Variants in AP3S1 observed in about 807,000 individuals in gnomAD.
The protein encoded by AP3S1 is AP-3 complex subunit sigma-1.
Under a neutral mutation model 21.3 loss-of-function variants are expected in AP3S1, and 12 were observed. The ratio of observed to expected loss-of-function variants is 0.56; its 90% CI spans 0.36 to 0.91. The LOEUF is 0.91. AP3S1 is among the 40% of genes least tolerant of loss of function. The probability of loss-of-function intolerance (pLI) is 0.01; values close to 1 mark genes in which losing one functional copy is unlikely to be tolerated. For synonymous variants in AP3S1, 48 were observed against 78.4 expected, an observed-to-expected ratio of 0.61 and a Z score of 2.05; for missense variants, 116 against 225.0, an observed-to-expected ratio of 0.52 and a Z score of 3.10.
intron 1 of AP3S1, among the ~76,000 whole-genome samples, chr5:115,860,862 C>T (rs1168585642): frequency 6.6e-6 from 1 of 152,146 alleles, no homozygotes; most frequent in East Asian, 1.9e-4. Flanking sequence ...ACACAGCTTG[C>T]ACTTTTAACT....
chr5:115,852,798 ATTAC>A (rs948650698), intron 1 of AP3S1, among the ~76,000 whole-genome samples: 1 of 152,062 alleles, frequency 6.6e-6, no homozygotes, highest in Non-Finnish European at 1.5e-5. Context: ...TTAATATTTC[ATTAC>A]TTTTTATAGC....
chr5:115,892,314 T>A (rs1037089233), intron 3 of AP3S1, among the ~76,000 whole-genome samples: 4 of 152,156 alleles, frequency 2.6e-5, no homozygotes, highest in African/African-American at 9.7e-5. Flanking sequence ...GGGTATATAT[T>A]CAAAAGAAAA....
At chr5:115,893,331 G>A (rs1750479132) in intron 3 of AP3S1, among the ~76,000 whole-genome samples, 1 of 152,258 alleles carries the variant, frequency 6.6e-6, no homozygotes, top group South Asian at 2.1e-4. Context: ...AGTGGATGTA[G>A]CATATAGACC....
intron 3 of AP3S1, among the ~76,000 whole-genome samples, chr5:115,882,861 G>A (rs1193683358): frequency 1.3e-5 from 2 of 152,192 alleles, no homozygotes; most frequent in African/African-American, 4.8e-5. Context: ...ATAAGCCCCT[G>A]ACTGGGGCTG....
At chr5:115,861,665 C>G (rs962766465) in intron 1 of AP3S1, among the ~76,000 whole-genome samples, 2 of 151,938 alleles carry the variant, frequency 1.3e-5, no homozygotes, top group East Asian at 3.9e-4. Context: ...AGCAATCCTC[C>G]TACCTCAGCC....
intron 3 of AP3S1, among the ~76,000 whole-genome samples, chr5:115,872,505 C>T (rs779151118): frequency 2.8e-4 from 43 of 151,938 alleles, no homozygotes; most frequent in Non-Finnish European, 5.1e-4. Flanking sequence ...AGGAAATGAA[C>T]GTAAACATGT....
At chr5:115,876,373 C>CTT (rs1214070256) in intron 3 of AP3S1, among the ~76,000 whole-genome samples, 30 of 152,166 alleles carry the variant, frequency 2.0e-4, no homozygotes, top group Non-Finnish European at 3.1e-4. Context: ...TATTTTCTTC[C>CTT]CTTCAATGTA....
At chr5:115,870,818 T>TG (rs1748169217) in intron 3 of AP3S1, among the ~76,000 whole-genome samples, 3 of 152,336 alleles carry the variant, frequency 2.0e-5, no homozygotes, top group South Asian at 4.1e-4. Flanking sequence ...TTGCTCTACT[T>TG]GCAAACTAAG....
chr5:115,911,335 A>G (rs906387945), intron 5 of AP3S1, among the ~76,000 whole-genome samples: 4 of 147,712 alleles, frequency 2.7e-5, no homozygotes, highest in Non-Finnish European at 4.5e-5. Flanking sequence ...ACACAGATAA[A>G]CACACACACA....
chr5:115,889,957 A>G (rs920089593), intron 3 of AP3S1, among the ~76,000 whole-genome samples: 3 of 152,222 alleles, frequency 2.0e-5, no homozygotes, highest in African/African-American at 4.8e-5. Context: ...ATATACCACC[A>G]CACACCCTTG....
chr5:115,901,137 TCTAA>T (rs1341299281), intron 4 of AP3S1, among the ~76,000 whole-genome samples: 17 of 152,194 alleles, frequency 1.1e-4, no homozygotes, highest in Non-Finnish European at 1.8e-4. Flanking sequence ...CTTTCCTTCC[TCTAA>T]CTTTCAATTC....
chr5:115,844,839 A>C (rs1458695346), intron 1 of AP3S1, among the ~76,000 whole-genome samples: 1 of 152,136 alleles, frequency 6.6e-6, no homozygotes, highest in Non-Finnish European at 1.5e-5. Flanking sequence ...CACAGCCTAT[A>C]ATTCCTCGTG....
chr5:115,847,366 C>G (rs948642297), intron 1 of AP3S1, among the ~76,000 whole-genome samples: 13 of 151,952 alleles, frequency 8.6e-5, no homozygotes, highest in African/African-American at 3.1e-4. Context: ...GCCTGTAATC[C>G]CAGCACGTTG....
At chr5:115,913,305 G>A in intron 5 of AP3S1, 57 bp from the exon 6 acceptor site, 1 of 1,106,398 alleles carries the variant, frequency 9.0e-7, no homozygotes, top group Non-Finnish European at 1.1e-6. Context: ...AGTGTTTTAT[G>A]ATGAGCTACA....
At chr5:115,898,743 G>C (rs1275079444) in intron 4 of AP3S1, 1 of 152,076 alleles carries the variant, frequency 6.6e-6, no homozygotes, top group African/African-American at 2.4e-5. Context: ...GCTGTGAGCA[G>C]ACACACATCA....
intron 3 of AP3S1, among the ~76,000 whole-genome samples, chr5:115,879,346 G>A (rs1580687280): frequency 1.3e-5 from 2 of 152,114 alleles, no homozygotes; most frequent in East Asian, 3.9e-4. Flanking sequence ...GTCATAAATA[G>A]CTCTTATTAT....
chr5:115,856,085 A>T (rs1164865279), intron 1 of AP3S1, among the ~76,000 whole-genome samples: 3 of 152,158 alleles, frequency 2.0e-5, no homozygotes, highest in Admixed American at 1.3e-4. Context: ...CTTTAGACTG[A>T]TGTAATCTAG....
intron 1 of AP3S1, among the ~76,000 whole-genome samples, chr5:115,851,187 TAA>T (rs1273745995): frequency 2.0e-5 from 3 of 152,202 alleles, no homozygotes; most frequent in African/African-American, 7.2e-5. Flanking sequence ...ATTCCTCAGA[TAA>T]AAGTTTCTTT....
chr5:115,859,106 G>A (rs1267243201), intron 1 of AP3S1, among the ~76,000 whole-genome samples: 1 of 152,068 alleles, frequency 6.6e-6, no homozygotes, highest in Non-Finnish European at 1.5e-5. Flanking sequence ...CTAAGGATAG[G>A]GTACTGAAAG....
Sources: allele counts gnomAD v4.1 joint callset (sites outside exome capture counted in the v4.1 genomes callset), GRCh38; gene constraint gnomAD v4.1.1; transcripts MANE v1.5; gene names NCBI Gene and HGNC (gene_info 2026-07-23, HGNC 2026-07-21).